The following EPHA5 variants were observed in gnomAD, a reference collection of about 807,000 sequenced individuals.
EPHA5 encodes EPH receptor A5, also known as ephrin type-A receptor 5.
In EPHA5, 60 loss-of-function variants were observed where a neutral mutation model predicts 105.0. The ratio of observed to expected loss-of-function variants is 0.57; its 90% CI spans 0.46 to 0.71. EPHA5 has a LOEUF of 0.71. Ranked by LOEUF, EPHA5 falls within the 30% of genes least tolerant of loss-of-function variation. The pLI is 0.00. For missense variants in EPHA5, 1,218 were observed against 1,274.7 expected, an observed-to-expected ratio of 0.96 and a Z score of 0.68; for synonymous variants, 513 against 449.1, an observed-to-expected ratio of 1.14 and a Z score of -1.80.
At chr4:65,628,569 C>T (rs545064936) in intron 2 of EPHA5, among the ~76,000 whole-genome samples, 51 of 151,996 alleles carry the variant, frequency 3.4e-4, no homozygotes, top group African/African-American at 1.2e-3. Context: ...AAAAAATAAA[C>T]GTTATAAGAT....
chr4:65,348,397 A>C (rs991337181), intron 13 of EPHA5, among the ~76,000 whole-genome samples, 194 bp from the exon 14 acceptor site: 16 of 151,946 alleles, frequency 1.1e-4, no homozygotes, highest in African/African-American at 3.9e-4. Flanking sequence ...GAAGGTTTCT[A>C]GTTTAAATTC....
intron 14 of EPHA5, 121 bp from the exon 15 acceptor site, chr4:65,336,246 G>A: frequency 1.7e-6 from 1 of 605,422 alleles, no homozygotes; most frequent in South Asian, 5.9e-5. Flanking sequence ...ATAACAACTA[G>A]CATTACTGTC....
intron 8 of EPHA5, among the ~76,000 whole-genome samples, chr4:65,387,008 T>C (rs1194011748): frequency 6.6e-6 from 1 of 151,752 alleles, no homozygotes; most frequent in Non-Finnish European, 1.5e-5. Context: ...GTCTTGGTAA[T>C]GTCAGCAAAT....
chr4:65,495,321 C>A (rs2149224824), intron 4 of EPHA5, 67 bp downstream of exon 4: 1 of 1,482,278 alleles, frequency 6.7e-7, no homozygotes, highest in Non-Finnish European at 9.2e-7. Context: ...CTATAACAGG[C>A]TCCATCATGC....
intron 3 of EPHA5, among the ~76,000 whole-genome samples, chr4:65,512,505 T>C (rs922320335): frequency 1.3e-5 from 2 of 152,056 alleles, no homozygotes; most frequent in African/African-American, 2.4e-5. Context: ...GCTGTTTTTG[T>C]GACAGAGTTC....
At chr4:65,385,739 T>G (rs1720014104) in intron 8 of EPHA5, among the ~76,000 whole-genome samples, 1 of 151,924 alleles carries the variant, frequency 6.6e-6, no homozygotes, top group Admixed American at 6.6e-5. Flanking sequence ...TGTATGTGTG[T>G]GATTATATTC....
chr4:65,583,323 AG>A (rs1249656179), intron 3 of EPHA5, among the ~76,000 whole-genome samples: 1 of 151,766 alleles, frequency 6.6e-6, no homozygotes, highest in Admixed American at 6.6e-5. Flanking sequence ...AAGTAAAAAA[AG>A]AAAACTAAAA....
chr4:65,663,900 C>T (rs1749749931), intron 1 of EPHA5, among the ~76,000 whole-genome samples: 1 of 151,928 alleles, frequency 6.6e-6, no homozygotes, highest in South Asian at 2.1e-4. Context: ...ACCCATTTCA[C>T]AGTACAATTT....
In EPHA5 at chr4:65,381,350, G is replaced by A. The variant is rs148699453; in HGVS notation, c.1794-13926C>T. ...GAAGAAAAGTAAAATGATGGCATAGGCATATGTCAAATGTGTAAGAGACAT... is the reference window on the plus strand; with the variant it reads ...GAAGAAAAGTAAAATGATGGCATAGACATATGTCAAATGTGTAAGAGACAT... On this transcript the variant is annotated intron_variant, in intron 8 of 16. Transcript: ENST00000613740. Among the ~76,000 whole-genome samples the A allele has an allele frequency of 4.4e-3, 666 of 151,592 alleles. 15 individuals are homozygous for A. Among genetic ancestry groups the A allele is most frequent in the Admixed American group, 0.041 (618 of 15,144 alleles).
chr4:65,630,200 C>A (rs192262831), intron 2 of EPHA5, among the ~76,000 whole-genome samples: 1 of 152,084 alleles, frequency 6.6e-6, no homozygotes, highest in East Asian at 1.9e-4. Context: ...CCAGGGAAAG[C>A]TAGTCTCTCC....
At chr4:65,629,133 A>G (rs1746405703) in intron 2 of EPHA5, among the ~76,000 whole-genome samples, 1 of 152,192 alleles carries the variant, frequency 6.6e-6, no homozygotes, top group South Asian at 2.1e-4. Flanking sequence ...TAAATTCCAC[A>G]TAGGAAAAGC....
rs1578238963 is a variant in EPHA5, at chr4:65,490,594, G to A, written c.1185C>T (p.Cys395=). 1.9e-6 allele frequency: 3 copies of A among 1,614,104 alleles called. No individual in the cohort carries two copies. Among genetic ancestry groups the A allele is most frequent in the South Asian group, 1.1e-5 (1 of 91,084 alleles). Residue 395 remains cysteine (C), a synonymous_variant, in exon 5 of 17, where the codon TGC becomes TGT. Transcript: ENST00000613740. ...CACCTGCATGGGAGTTGCACTTCTT[G>A]CATGCAATATAATATGACACGTCTT... is the stretch of plus-strand genomic sequence containing the variant. ...GRKDVSYYIA[C]KKCNSHAGVC...
chr4:65,423,280 C>T (rs564102395), intron 5 of EPHA5, among the ~76,000 whole-genome samples: 69 of 152,012 alleles, frequency 4.5e-4, no homozygotes, highest in South Asian at 8.3e-4. Flanking sequence ...CTATCATCAC[C>T]GTTATGTCAC....
chr4:65,558,778 G>T (rs1023478371), intron 3 of EPHA5, among the ~76,000 whole-genome samples: 1 of 152,166 alleles, frequency 6.6e-6, no homozygotes, highest in East Asian at 1.9e-4. Context: ...ATTATAGAAG[G>T]TTTGTTGCTG....
rs1049555623 is a variant in EPHA5, at chr4:65,572,780, C to A, written c.910+28861G>T. Among the ~76,000 whole-genome samples the A allele has an allele frequency of 2.0e-5, 3 of 152,186 alleles. 1 individual carries two copies. Among genetic ancestry groups the A allele is most frequent in the South Asian group, 4.1e-4 (2 of 4,820 alleles). ...GCGTGGTGGCTCACGCCTATAATAC[C>A]AGTCATTTGGGAGGCCGAGGCAGGC... On this transcript the variant is annotated intron_variant, in intron 3 of 16. Transcript: ENST00000613740.
intron 11 of EPHA5, 136 bp downstream of exon 11, chr4:65,364,881 C>A: frequency 1.6e-6 from 1 of 615,038 alleles, no homozygotes; most frequent in Non-Finnish European, 2.4e-6. Flanking sequence ...CAAAAATCTA[C>A]TAAAATACAG....
chr4:65,356,254 A>G (rs1723285121), intron 11 of EPHA5, among the ~76,000 whole-genome samples: 1 of 151,154 alleles, frequency 6.6e-6, no homozygotes, highest in Non-Finnish European at 1.5e-5. Context: ...CTATCTTTTT[A>G]TATTTTAGGA....
At chr4:65,338,991 A>C (rs547113349) in intron 14 of EPHA5, among the ~76,000 whole-genome samples, 13 of 152,286 alleles carry the variant, frequency 8.5e-5, no homozygotes, top group South Asian at 8.3e-4. Flanking sequence ...AAAGTAAAGA[A>C]AAGACAATTA....
chr4:65,470,371 T>C (rs1729170056), intron 5 of EPHA5, among the ~76,000 whole-genome samples: 1 of 152,082 alleles, frequency 6.6e-6, no homozygotes. Context: ...TCTATATTTT[T>C]ACTAGAGACA....
Sources: gnomAD v4.1 joint callset for allele counts (sites outside exome capture counted in the v4.1 genomes callset) on GRCh38, gnomAD v4.1.1 for gene constraint, MANE v1.5 for transcripts, NCBI Gene and HGNC (gene_info 2026-07-23, HGNC 2026-07-21) for gene names.